The following PRPH2 variants were observed in gnomAD, a reference collection of about 807,000 sequenced individuals.
PRPH2 encodes the protein peripherin-2.
PRPH2 carries 17 observed loss-of-function variants against 31.3 expected under a neutral mutation model. The ratio of observed to expected loss-of-function variants is 0.54; its 90% CI spans 0.37 to 0.81. The LOEUF (loss-of-function observed/expected upper bound fraction) is 0.81. Among genes scored for constraint, PRPH2 ranks in the 40% least tolerant of loss-of-function variants. PRPH2 has a pLI of 0.00. For synonymous variants in PRPH2, 165 were observed against 184.4 expected (o/e 0.89, Z 0.85); for missense variants, 430 against 439.7 (o/e 0.98, Z 0.20).
chr6:42,707,659 T>G (rs1022351081), intron 1 of PRPH2, among the ~76,000 whole-genome samples: 1 of 152,226 alleles, frequency 6.6e-6, no homozygotes, highest in Non-Finnish European at 1.5e-5. Context: ...GAGCGTCTTT[T>G]GGTGTGCTCA....
At position 42,722,591 on chromosome 6, in the gene PRPH2, C is replaced by A; in HGVS notation, c.-257G>T. 1 of 1,382,614 alleles carries A rather than the reference C, an allele frequency of 7.2e-7. No homozygotes were observed. The highest frequency in any genetic ancestry group is 3.0e-5 in the Admixed American group (1 of 33,262). The allele number at this position is 1,382,614 out of a possible 1,614,324, so 85.6% of individuals were successfully genotyped here. On this transcript the variant is annotated 5_prime_UTR_variant, in exon 1 of 3. Coordinates refer to ENST00000230381, the MANE Select transcript of PRPH2 (RefSeq NM_000322.5). The surrounding 1 kb of genome is among the most constrained non-coding windows in gnomAD (Gnocchi z 4.4). ...TGGGCGTTGTTTCTTCAGCGCCCTTCCCAGCCAAGAAGGGGCAGCCTGAAC... is the reference window on the plus strand; with the variant it reads ...TGGGCGTTGTTTCTTCAGCGCCCTTACCAGCCAAGAAGGGGCAGCCTGAAC...
chr6:42,721,890 T>G lies in PRPH2; in HGVS notation c.445A>C (p.Arg149=), dbSNP rs750164572. ...KYYRDTDTPG[R]CFMKKTIDML... Reference sequence around the variant, plus strand: ...TCGATGGTCTTCTTCATGAAACACCTGCCAGGGGTGTCTGTGTCCCGGTAG... The same window carrying G: ...TCGATGGTCTTCTTCATGAAACACCGGCCAGGGGTGTCTGTGTCCCGGTAG... The change falls in exon 1 of 3, where the codon AGG becomes CGG. Residue 149 remains arginine, a synonymous_variant. Coordinates refer to ENST00000230381, the MANE Select transcript of PRPH2 (RefSeq NM_000322.5). 6.2e-7 allele frequency: 1 copy of G among 1,614,216 alleles called. No homozygotes were observed. Among genetic ancestry groups the G allele is most frequent in the South Asian group, 1.1e-5 (1 of 91,080 alleles).
chr6:42,709,344 A>AAAAAAAAAC (rs1800233055), intron 1 of PRPH2, among the ~76,000 whole-genome samples: 1 of 144,090 alleles, frequency 6.9e-6, no homozygotes, highest in Non-Finnish European at 1.5e-5. Flanking sequence ...TAAAAAAAAA[A>AAAAAAAAAC]AAAAAAAAAA....
chr6:42,713,453 G>A (rs981676251), intron 1 of PRPH2, among the ~76,000 whole-genome samples: 2 of 152,120 alleles, frequency 1.3e-5, no homozygotes, highest in African/African-American at 4.8e-5. Context: ...TTTACCACAG[G>A]CGCCGCAGAG....
intron 2 of PRPH2, among the ~76,000 whole-genome samples, chr6:42,699,812 GA>G (rs1179602839): frequency 2.0e-5 from 3 of 152,118 alleles, no homozygotes; most frequent in Non-Finnish European, 2.9e-5. Flanking sequence ...AAGATGGGAG[GA>G]TCTCATGAGC....
In PRPH2 at chr6:42,722,203, T is replaced by C; in HGVS notation, c.132A>G (p.Glu44=). 6.2e-7 allele frequency: 1 copy of C among 1,614,040 alleles called. No individual in the cohort carries two copies. The highest frequency in any genetic ancestry group is 8.5e-7 in the Non-Finnish European group (1 of 1,180,006). ...IFSLGLFLKI[E]LRKRSDVMNN... The stretch of plus-strand genomic sequence containing the variant: ...TCATCACATCGCTCCTCTTTCGGAG[T>C]TCAATCTTCAGGAACAGTCCTAGGC... The change falls in exon 1 of 3, where the codon GAA becomes GAG. Residue 44 remains glutamate, a synonymous_variant. Coordinates refer to ENST00000230381, the MANE Select transcript of PRPH2 (RefSeq NM_000322.5). The surrounding 1 kb of genome is among the most constrained non-coding windows in gnomAD (Gnocchi z 4.4).
intron 2 of PRPH2, among the ~76,000 whole-genome samples, chr6:42,703,173 G>A (rs1275972250): frequency 3.3e-5 from 5 of 152,102 alleles, no homozygotes; most frequent in African/African-American, 1.2e-4. Flanking sequence ...CAGCCTGGGT[G>A]ACAGGTGAAT....
Position 42,722,542 on chromosome 6 carries a change from T to C in PRPH2, c.-208A>G. The C allele has an allele frequency of 1.4e-6, 2 of 1,446,952 alleles. No individual in the cohort carries two copies. The highest frequency in any genetic ancestry group is 1.8e-6 in the Non-Finnish European group (2 of 1,103,766). The allele number at this position is 1,446,952 out of a possible 1,614,324, so 89.6% of individuals were successfully genotyped here. ...GTGGCAGGGGTCTCGGAATCACAGC[T>C]TGAGCAGGGGATAGTCCTGGTCCTG... On this transcript the variant is annotated 5_prime_UTR_variant, in exon 1 of 3. Coordinates refer to ENST00000230381, the MANE Select transcript of PRPH2 (RefSeq NM_000322.5). The surrounding 1 kb of genome is among the most constrained non-coding windows in gnomAD (Gnocchi z 4.4).
At position 42,697,932 on chromosome 6, in the gene PRPH2, A is replaced by G. The variant is rs1799974833; in HGVS notation, c.*363T>C. 3.8e-6 allele frequency: 1 copy of G among 261,502 alleles called. No homozygotes were observed. The highest frequency in any genetic ancestry group is 7.4e-6 in the Non-Finnish European group (1 of 135,648). 16.2% of individuals were successfully genotyped at this position (261,502 alleles called of 1,614,324 possible). ...AAGAGGTAAATTCTAAAAGGGGAGC[A>G]GCCCTCAGATACGGCCAGTGGCCAT... On this transcript the variant is annotated 3_prime_UTR_variant, in exon 3 of 3. Coordinates refer to ENST00000230381, the MANE Select transcript of PRPH2 (RefSeq NM_000322.5).
At chr6:42,709,623 T>C (rs941400406) in intron 1 of PRPH2, among the ~76,000 whole-genome samples, 7 of 152,080 alleles carry the variant, frequency 4.6e-5, no homozygotes, top group African/African-American at 1.7e-4. Flanking sequence ...AACCACTCTG[T>C]GGGGCCAGGC....
chr6:42,721,021 A>C (rs1440617594), intron 1 of PRPH2, among the ~76,000 whole-genome samples: 1 of 152,122 alleles, frequency 6.6e-6, no homozygotes, highest in African/African-American at 2.4e-5. Context: ...CACTATCATG[A>C]CTCGCTAAGT....
intron 2 of PRPH2, among the ~76,000 whole-genome samples, chr6:42,699,309 G>A (rs9471896): frequency 3.3e-5 from 5 of 151,652 alleles, no homozygotes; most frequent in Non-Finnish European, 7.4e-5. Context: ...AGATCCACCC[G>A]CCTCGACCTC....
At position 42,698,090 on chromosome 6, in the gene PRPH2, A is replaced by G; in HGVS notation, c.*205T>C. On this transcript the variant is annotated 3_prime_UTR_variant, in exon 3 of 3. Coordinates refer to ENST00000230381, the MANE Select transcript of PRPH2 (RefSeq NM_000322.5). ...CTTCACTCACATTCACATTAGCTTC[A>G]TTCACATTTTGGGTCAGTCATTCAA... The G allele has an allele frequency of 1.5e-6, 1 of 663,032 alleles. No individual in the cohort carries two copies. 41.1% of individuals were successfully genotyped at this position (663,032 alleles called of 1,614,324 possible).
In PRPH2 at chr6:42,698,448, G is replaced by C. The variant is rs183714869; in HGVS notation, c.888C>G (p.Pro296=). The C allele has an allele frequency of 1.2e-6, 2 of 1,614,126 alleles. No homozygotes were observed. The highest frequency in any genetic ancestry group is 1.3e-5 in the African/African-American group (1 of 75,028). The part of the protein sequence containing the change: ...LQTSLDGVSN[P]EESESESQGW... ...CCTGGCTCTCGCTCTCAGATTCCTC[G>C]GGGTTGGACACACCATCCAGCGACG... is the stretch of plus-strand genomic sequence containing the variant. Residue 296 remains proline, a synonymous_variant, in exon 3 of 3, where the codon CCC becomes CCG. Transcript: ENST00000230381.
chr6:42,721,133 A>G (rs182416696), intron 1 of PRPH2, among the ~76,000 whole-genome samples: 1 of 152,284 alleles, frequency 6.6e-6, no homozygotes, highest in Admixed American at 6.5e-5. Flanking sequence ...GTGCTCATTT[A>G]AAAGATGGGC....
intron 1 of PRPH2, among the ~76,000 whole-genome samples, chr6:42,705,599 A>AAAAAT (rs1562424252): frequency 4.6e-4 from 10 of 21,572 alleles, no homozygotes; most frequent in Non-Finnish European, 7.5e-4. Context: ...AAAAAAAAAA[A>AAAAAT]ATATATATAT....
At chr6:42,706,336 C>G (rs1200823560) in intron 1 of PRPH2, among the ~76,000 whole-genome samples, 1 of 151,292 alleles carries the variant, frequency 6.6e-6, no homozygotes, top group Non-Finnish European at 1.5e-5. Flanking sequence ...ACCCAGGGGG[C>G]GGAGCTTGCA....
chr6:42,707,081 G>T (rs1582767600), intron 1 of PRPH2, among the ~76,000 whole-genome samples: 1 of 147,796 alleles, frequency 6.8e-6, no homozygotes, highest in Non-Finnish European at 1.5e-5. Context: ...TGTATTTTCA[G>T]TAGAGATGGG....
intron 1 of PRPH2, among the ~76,000 whole-genome samples, chr6:42,705,600 ATATATATAT>A (rs1416094056): frequency 9.5e-3 from 35 of 3,672 alleles, no homozygotes; most frequent in East Asian, 0.021. Context: ...AAAAAAAAAA[ATATATATAT>A]ATATATATAT....
Sources: gnomAD v4.1 joint callset for allele counts (sites outside exome capture counted in the v4.1 genomes callset) on GRCh38, gnomAD v4.1.1 for gene constraint, Gnocchi (gnomAD v3.1) non-coding constraint, MANE v1.5 for transcripts, NCBI Gene and HGNC (gene_info 2026-07-23, HGNC 2026-07-21) for gene names.